TAFA1: variants seen among roughly 807,000 people sequenced by gnomAD.
The protein encoded by TAFA1 is chemokine-like protein TAFA-1.
In TAFA1, 4 loss-of-function variants were observed where a neutral mutation model predicts 18.5. That is an observed-to-expected ratio of 0.22 (90% CI 0.11 to 0.49). TAFA1 has a LOEUF of 0.49. TAFA1 is among the 20% of genes least tolerant of loss of function. The probability of loss-of-function intolerance (pLI) is 0.98; values close to 1 mark genes in which losing one functional copy is unlikely to be tolerated. For synonymous variants in TAFA1, 56 were observed against 55.2 expected (o/e 1.01, Z -0.06); for missense variants, 147 against 169.0 (o/e 0.87, Z 0.72).
chr3:68,035,272 T>C (rs1343437157), intron 2 of TAFA1, among the ~76,000 whole-genome samples: 1 of 152,178 alleles, frequency 6.6e-6, no homozygotes, highest in African/African-American at 2.4e-5. Flanking sequence ...TGTTGAGGCA[T>C]CTCTCACTCA....
At chr3:68,227,797 A>G (rs2066821273) in intron 2 of TAFA1, among the ~76,000 whole-genome samples, 1 of 152,106 alleles carries the variant, frequency 6.6e-6, no homozygotes, top group South Asian at 2.1e-4. Flanking sequence ...ATCACTCAAT[A>G]TTGGGAGCAT....
intron 2 of TAFA1, among the ~76,000 whole-genome samples, chr3:68,345,396 C>T (rs1259239900): frequency 6.6e-6 from 1 of 152,160 alleles, no homozygotes; most frequent in Admixed American, 6.6e-5. Flanking sequence ...GCAGCCCTTC[C>T]TTCCATAACA....
chr3:68,241,861 A>G (rs2067004995), intron 2 of TAFA1, among the ~76,000 whole-genome samples: 1 of 152,226 alleles, frequency 6.6e-6, no homozygotes, highest in African/African-American at 2.4e-5. Flanking sequence ...CAAAAGCAGG[A>G]CTAACAGAAA....
intron 2 of TAFA1, among the ~76,000 whole-genome samples, chr3:68,367,407 G>A (rs1280505104): frequency 1.3e-5 from 2 of 152,130 alleles, no homozygotes; most frequent in Non-Finnish European, 2.9e-5. Flanking sequence ...GGGACAAAAG[G>A]AAACAAAGGT....
At chr3:68,142,749 A>G (rs758578521) in intron 2 of TAFA1, among the ~76,000 whole-genome samples, 35 of 152,284 alleles carry the variant, frequency 2.3e-4, no homozygotes, top group Non-Finnish European at 4.4e-4. Context: ...TGAATTGCTC[A>G]GCTCTGAATC....
chr3:68,054,219 G>A (rs1178303438), intron 2 of TAFA1, among the ~76,000 whole-genome samples: 1 of 152,148 alleles, frequency 6.6e-6, no homozygotes, highest in South Asian at 2.1e-4. Context: ...CTTGGGTCAT[G>A]GAGATGGACC....
At chr3:68,068,778 G>C (rs2064715445) in intron 2 of TAFA1, among the ~76,000 whole-genome samples, 1 of 152,036 alleles carries the variant, frequency 6.6e-6, no homozygotes, top group African/African-American at 2.4e-5. Flanking sequence ...ATCTTGTTTA[G>C]TCTTGTTCCT....
intron 2 of TAFA1, among the ~76,000 whole-genome samples, chr3:68,294,904 T>C (rs1448598162): frequency 6.6e-6 from 1 of 152,104 alleles, no homozygotes; most frequent in East Asian, 1.9e-4. Flanking sequence ...ATTTACTTCT[T>C]GAATCACACA....
At chr3:68,467,184 A>G (rs1243063542) in intron 3 of TAFA1, among the ~76,000 whole-genome samples, 1 of 152,158 alleles carries the variant, frequency 6.6e-6, no homozygotes, top group South Asian at 2.1e-4. Flanking sequence ...CAGATTTCAT[A>G]TTGTTCAAAC....
intron 2 of TAFA1, among the ~76,000 whole-genome samples, chr3:68,390,150 A>T (rs1325156320): frequency 1.3e-5 from 2 of 152,140 alleles, no homozygotes; most frequent in Non-Finnish European, 2.9e-5. Flanking sequence ...TCAACCTGGG[A>T]TGCTCAAGCT....
At chr3:68,302,236 A>G (rs1243217664) in intron 2 of TAFA1, among the ~76,000 whole-genome samples, 1 of 152,220 alleles carries the variant, frequency 6.6e-6, no homozygotes, top group Non-Finnish European at 1.5e-5. Flanking sequence ...GTTTATTTCC[A>G]GGCCAGTCCA....
intron 2 of TAFA1, among the ~76,000 whole-genome samples, chr3:68,168,429 CAGCTTTTAAAGCAAGTGTTAAT>C (rs2066012242): frequency 6.6e-6 from 1 of 152,126 alleles, no homozygotes; most frequent in Admixed American, 6.5e-5. Context: ...ACACATATGC[CAGCTTTTAAAGCAAGTGTTAAT>C]AGTTGATAGT....
chr3:68,057,921 G>A (rs7433028), intron 2 of TAFA1, among the ~76,000 whole-genome samples: 77,755 of 151,986 alleles, frequency 0.51, 20,242 homozygotes, highest in South Asian at 0.64. Flanking sequence ...TTCAGAAGGA[G>A]TGCAGCCCTG....
At chr3:68,379,432 A>G (rs1403897362) in intron 2 of TAFA1, among the ~76,000 whole-genome samples, 1 of 152,192 alleles carries the variant, frequency 6.6e-6, no homozygotes, top group African/African-American at 2.4e-5. Context: ...ATTTTCTCCC[A>G]TTCTGTAGGT....
intron 2 of TAFA1, among the ~76,000 whole-genome samples, chr3:68,314,863 A>G (rs1004018378): frequency 1.9e-4 from 29 of 151,240 alleles, no homozygotes; most frequent in African/African-American, 7.0e-4. Flanking sequence ...AGATTGACTT[A>G]CCATAGTTAT....
At chr3:68,499,861 C>CT (rs57102825) in intron 3 of TAFA1, among the ~76,000 whole-genome samples, 25 of 137,480 alleles carry the variant, frequency 1.8e-4, no homozygotes, top group South Asian at 9.2e-4. Context: ...TTTTCTTTTC[C>CT]TTTTTTTTTT....
At chr3:68,428,327 C>T (rs77587865) in intron 3 of TAFA1, among the ~76,000 whole-genome samples, 13,612 of 151,910 alleles carry the variant, frequency 0.09, 718 homozygotes, top group South Asian at 0.14. Flanking sequence ...CTTGACAGCT[C>T]ACTACACTTT....
intron 2 of TAFA1, among the ~76,000 whole-genome samples, chr3:68,261,697 A>G (rs2067425737): frequency 6.6e-6 from 1 of 152,290 alleles, no homozygotes; most frequent in African/African-American, 2.4e-5. Flanking sequence ...GTTCTTGCTC[A>G]TAGGTGGGAA....
At chr3:68,458,895 C>T (rs1335371321) in intron 3 of TAFA1, among the ~76,000 whole-genome samples, 1 of 151,912 alleles carries the variant, frequency 6.6e-6, no homozygotes, top group Non-Finnish European at 1.5e-5. Flanking sequence ...GGGAAACAGA[C>T]TCTAAAACAG....
Sources: gnomAD v4.1 joint callset for allele counts (sites outside exome capture counted in the v4.1 genomes callset) on GRCh38, gnomAD v4.1.1 for gene constraint, MANE v1.5 for transcripts, NCBI Gene and HGNC (gene_info 2026-07-23, HGNC 2026-07-21) for gene names.